Variants in RFC3 observed in about 807,000 individuals in gnomAD.
RFC3 encodes the protein A1 38 kDa subunit.
In RFC3, 41 loss-of-function variants were observed where a neutral mutation model predicts 45.1. That is an observed-to-expected ratio of 0.91 (90% CI 0.71 to 1.18). RFC3 has a LOEUF of 1.18. Among genes scored for constraint, RFC3 ranks in the 50% most tolerant of loss-of-function variants. The pLI, the probability that RFC3 is intolerant of heterozygous loss-of-function variation, is 0.00. For missense variants in RFC3, 423 were observed against 428.1 expected (o/e 0.99, Z 0.10); for synonymous variants, 149 against 144.0 (o/e 1.03, Z -0.25).
chr13:33,882,894 T>G lies in RFC3; in HGVS notation c.879+47677T>G, dbSNP rs555299910. ...ATATATTTTGATTTGCTCTTTTCAC[T>G]TACCACCTTGCCTTTGAGATCCATC... is the stretch of plus-strand genomic sequence containing the variant. On this transcript the variant is annotated intron_variant, in intron 8 of 8. Coordinates refer to the RFC3 transcript ENST00000434425. Among the ~76,000 whole-genome samples the G allele has an allele frequency of 3.3e-5, 5 of 152,364 alleles. No individual in the cohort carries two copies. The South Asian group carries it at 1.0e-3, about 32-fold the overall frequency.
intron 8 of RFC3, among the ~76,000 whole-genome samples, chr13:33,895,486 CAATAGATGTTGGCATGGATGTGGT>C (rs2082591938): frequency 6.6e-6 from 1 of 152,134 alleles, no homozygotes; most frequent in Non-Finnish European, 1.5e-5. Context: ...AGTCAAAAAA[CAATAGATGTTGGCATGGATGTGGT>C]AAAAAGGGAA....
intron 8 of RFC3, among the ~76,000 whole-genome samples, chr13:33,941,619 A>G (rs920346599): frequency 2.6e-5 from 4 of 152,134 alleles, no homozygotes; most frequent in Admixed American, 2.0e-4. Flanking sequence ...AAACCAGCCC[A>G]ATCTTGTTTT....
At chr13:33,967,983 G>A (rs1041026272), downstream of RFC3, among the ~76,000 whole-genome samples, 4 of 152,318 alleles carry the variant, frequency 2.6e-5, no homozygotes, top group Admixed American at 6.5e-5. Context: ...AATGAAGACT[G>A]AGATAAAAAT....
chr13:33,826,502 AT>A (rs2082050473), intron 4 of RFC3, among the ~76,000 whole-genome samples: 1 of 151,842 alleles, frequency 6.6e-6, no homozygotes, highest in South Asian at 2.1e-4. Flanking sequence ...AGTGTGATAA[AT>A]TTTTCCTTTA....
At chr13:33,954,169 A>G (rs746985009) in intron 8 of RFC3, among the ~76,000 whole-genome samples, 6 of 152,208 alleles carry the variant, frequency 3.9e-5, no homozygotes, top group African/African-American at 7.2e-5. Flanking sequence ...ACCTCTCATT[A>G]TCTTTGTTTC....
intron 8 of RFC3, among the ~76,000 whole-genome samples, chr13:33,941,844 T>C (rs1459461763): frequency 6.6e-6 from 1 of 152,194 alleles, no homozygotes; most frequent in African/African-American, 2.4e-5. Flanking sequence ...ACCTCATTCT[T>C]TGTGTTATCA....
chr13:33,974,929 A>G, the RFC3 span, among the ~76,000 whole-genome samples: 3 of 152,140 alleles, frequency 2.0e-5, no homozygotes, highest in African/African-American at 7.2e-5. Context: ...AACAAGAGGA[A>G]CTCTCATTCA....
intron 8 of RFC3, among the ~76,000 whole-genome samples, chr13:33,866,309 C>G (rs1028415962): frequency 6.6e-6 from 1 of 152,128 alleles, no homozygotes; most frequent in Non-Finnish European, 1.5e-5. Flanking sequence ...CTCATAAACT[C>G]AATGGGAAGC....
chr13:33,902,317 G>A (rs1404827964), intron 8 of RFC3, among the ~76,000 whole-genome samples: 1 of 152,044 alleles, frequency 6.6e-6, no homozygotes, highest in Non-Finnish European at 1.5e-5. Context: ...AATTTGAAAA[G>A]GCAGGATGAA....
intron 8 of RFC3, chr13:33,850,355 A>T (rs1353719577): frequency 6.6e-6 from 1 of 152,126 alleles, no homozygotes; most frequent in Non-Finnish European, 1.5e-5. Context: ...TTCTTTATAG[A>T]TGTAAAGGAT....
intron 8 of RFC3, among the ~76,000 whole-genome samples, chr13:33,924,827 A>G (rs1056403990): frequency 6.6e-6 from 1 of 150,406 alleles, no homozygotes. Context: ...TAGATCTAAT[A>G]TATAGAATGG....
rs1329412286 is a variant in RFC3, at chr13:33,818,369, A to G, written c.87+104A>G. Reference sequence around the variant, plus strand: ...CTTCTCCCGCCCGCATTGGAAGGTGATAAGTGCTATGGAGAAAAATAACAC... The same window carrying G: ...CTTCTCCCGCCCGCATTGGAAGGTGGTAAGTGCTATGGAGAAAAATAACAC... On this transcript the variant is annotated intron_variant, in intron 1 of 8. Coordinates refer to ENST00000380071, the MANE Select transcript of RFC3 (RefSeq NM_002915.4). The G allele has an allele frequency of 1.3e-5, 11 of 861,498 alleles. No individual in the cohort carries two copies. In the East Asian group the frequency reaches 1.5e-4, roughly 12 times the overall value. 53.4% of individuals were successfully genotyped at this position (861,498 alleles called of 1,614,324 possible).
intron 7 of RFC3, among the ~76,000 whole-genome samples, chr13:33,834,938 T>C (rs1030815289): frequency 6.6e-6 from 1 of 152,274 alleles, no homozygotes; most frequent in African/African-American, 2.4e-5. Flanking sequence ...AGGAGAAGCC[T>C]CCATATGTTT....
intron 8 of RFC3, among the ~76,000 whole-genome samples, chr13:33,874,860 G>T (rs1316449719): frequency 6.6e-6 from 1 of 152,216 alleles, no homozygotes; most frequent in Non-Finnish European, 1.5e-5. Flanking sequence ...TATTCAGGTT[G>T]ATTCCCTTCC....
At chr13:33,971,795 A>T in the RFC3 span, among the ~76,000 whole-genome samples, 1 of 152,214 alleles carries the variant, frequency 6.6e-6, no homozygotes, top group African/African-American at 2.4e-5. Flanking sequence ...ATAGTTATGT[A>T]AGAATTTCTC....
At chr13:33,888,817 C>T (rs1026664291) in intron 8 of RFC3, among the ~76,000 whole-genome samples, 1 of 150,808 alleles carries the variant, frequency 6.6e-6, no homozygotes, top group African/African-American at 2.5e-5. Context: ...ACAAACTCAG[C>T]TCACTGCAAT....
At chr13:33,883,420 A>G (rs2082498713) in intron 8 of RFC3, among the ~76,000 whole-genome samples, 1 of 152,248 alleles carries the variant, frequency 6.6e-6, no homozygotes, top group South Asian at 2.1e-4. Flanking sequence ...CATCAAAGGC[A>G]ACATGACAGA....
chr13:33,900,358 G>T (rs1389274581), intron 8 of RFC3, among the ~76,000 whole-genome samples: 1 of 151,762 alleles, frequency 6.6e-6, no homozygotes, highest in Non-Finnish European at 1.5e-5. Flanking sequence ...AGAGTAGAGA[G>T]CCCAGACATA....
intron 8 of RFC3, among the ~76,000 whole-genome samples, chr13:33,880,901 C>A (rs7319748): frequency 0.1 from 15,951 of 152,022 alleles, 1,656 homozygotes; most frequent in African/African-American, 0.25. Flanking sequence ...ACTAAAAATA[C>A]AAAAGTTAGC....
Sources: gnomAD v4.1 joint callset for allele counts (sites outside exome capture counted in the v4.1 genomes callset) on GRCh38, gnomAD v4.1.1 for gene constraint, MANE v1.5 for transcripts, NCBI Gene and HGNC (gene_info 2026-07-23, HGNC 2026-07-21) for gene names.